The following PDE3A variants were observed in gnomAD, a reference collection of about 807,000 sequenced individuals.
PDE3A encodes phosphodiesterase 3A.
A neutral mutation model predicts 98.3 loss-of-function variants in PDE3A; 43 were observed. That is an observed-to-expected ratio of 0.44 (90% CI 0.34 to 0.56). The LOEUF is 0.56. Among genes scored for constraint, PDE3A ranks in the 20% least tolerant of loss-of-function variants. The pLI, the probability that PDE3A is intolerant of heterozygous loss-of-function variation, is 0.01. For missense variants in PDE3A, 1,427 were observed against 1,440.7 expected, an observed-to-expected ratio of 0.99 and a Z score of 0.15; for synonymous variants, 663 against 567.9, an observed-to-expected ratio of 1.17 and a Z score of -2.38.
At chr12:20,649,979 TG>T (rs1944877506) in intron 13 of PDE3A, among the ~76,000 whole-genome samples, 1 of 152,158 alleles carries the variant, frequency 6.6e-6, no homozygotes, top group Non-Finnish European at 1.5e-5. Flanking sequence ...AAAAAGCATT[TG>T]TTGCTAATTC....
chr12:20,617,006 G>A (rs1282696950), intron 4 of PDE3A, among the ~76,000 whole-genome samples: 79 of 152,158 alleles, frequency 5.2e-4, no homozygotes, highest in South Asian at 4.1e-4. Context: ...AGTGCATTTA[G>A]AGGGAGATAC....
rs538370028 is a variant in PDE3A at position 20,520,702 on chromosome 12, G to A, written c.961-35958G>A. On this transcript the variant is annotated intron_variant, in intron 1 of 15. Transcript: ENST00000359062. Reference sequence around the variant, plus strand: ...TGGCCCAAGGTTTGATGATCCCTCTGCCGCTTCTTGGCTTTGTATGCTCAG... The same window carrying A: ...TGGCCCAAGGTTTGATGATCCCTCTACCGCTTCTTGGCTTTGTATGCTCAG... Among the ~76,000 whole-genome samples, 13 of 152,248 alleles carry A rather than the reference G, an allele frequency of 8.5e-5. No homozygotes were observed. The East Asian group carries it at 2.3e-3, about 27-fold the overall frequency.
rs535310574 is a variant in PDE3A, at chr12:20,595,480, G to T, written c.1012-17963G>T. Among the ~76,000 whole-genome samples the T allele has an allele frequency of 1.1e-4, 16 of 152,158 alleles. 1 individual carries two copies. Among genetic ancestry groups the T allele is most frequent in the African/African-American group, 3.9e-4 (16 of 41,512 alleles). On this transcript the variant is annotated intron_variant, in intron 2 of 15. Coordinates refer to ENST00000359062, the MANE Select transcript of PDE3A (RefSeq NM_000921.5). ...AATTAGACATTTCCAAATGTCTTTG[G>T]ACCTATTTGTCTTAATATCAGAATG...
chr12:20,641,993 A>C (rs1944655799), intron 10 of PDE3A, among the ~76,000 whole-genome samples: 1 of 152,102 alleles, frequency 6.6e-6, no homozygotes. Flanking sequence ...ATATTTATTA[A>C]AATCTTCACT....
intron 1 of PDE3A, among the ~76,000 whole-genome samples, chr12:20,402,682 T>G (rs1436961188): frequency 6.6e-6 from 1 of 152,312 alleles, no homozygotes; most frequent in South Asian, 2.1e-4. Flanking sequence ...TTTGAGCAAA[T>G]AATTTACAGA....
In PDE3A at chr12:20,680,230, C is replaced by T. The variant is rs750835967; in HGVS notation, c.3385C>T (p.Pro1129Ser). Residue 1129 changes from proline to serine, a missense_variant, in exon 16 of 16, where the codon CCA becomes TCA. Transcript: ENST00000359062. ...GGAAGAAGAAGAAGAGAAAGGGAAACCAAGAGGCGAGGAGATACCAACCCA... is the reference window on the plus strand; with the variant it reads ...GGAAGAAGAAGAAGAGAAAGGGAAATCAAGAGGCGAGGAGATACCAACCCA... ...IKEEEEEKGK[P>S]RGEEIPTQKP... 1 of 1,613,928 alleles carries T rather than the reference C, an allele frequency of 6.2e-7. No individual in the cohort carries two copies. Among genetic ancestry groups the T allele is most frequent in the Non-Finnish European group, 8.5e-7 (1 of 1,179,900 alleles).
chr12:20,575,131 A>G (rs1031916566), intron 2 of PDE3A, among the ~76,000 whole-genome samples: 1 of 152,048 alleles, frequency 6.6e-6, no homozygotes, highest in Non-Finnish European at 1.5e-5. Context: ...TTATCCACAA[A>G]GTATTCCTTA....
At chr12:20,626,006 G>A (rs76156615) in intron 5 of PDE3A, among the ~76,000 whole-genome samples, 57 of 152,034 alleles carry the variant, frequency 3.7e-4, no homozygotes, top group Non-Finnish European at 5.6e-4. Context: ...CATGTTTATC[G>A]GAATCTCTTC....
chr12:20,479,203 A>G (rs927367206), intron 1 of PDE3A, among the ~76,000 whole-genome samples: 4 of 152,214 alleles, frequency 2.6e-5, no homozygotes, highest in African/African-American at 9.6e-5. Context: ...ATTCCCTTAA[A>G]AGGTTAATAG....
chr12:20,498,304 C>G (rs1945960613), intron 1 of PDE3A, among the ~76,000 whole-genome samples: 1 of 152,070 alleles, frequency 6.6e-6, no homozygotes, highest in Non-Finnish European at 1.5e-5. Context: ...TGTAGGAACT[C>G]TGTATAGTCA....
chr12:20,577,441 C>T (rs914536770), intron 2 of PDE3A, among the ~76,000 whole-genome samples: 2 of 152,080 alleles, frequency 1.3e-5, no homozygotes, highest in Non-Finnish European at 2.9e-5. Context: ...CATTTAATGC[C>T]CCTCTCCTCA....
Position 20,369,732 on chromosome 12 carries a change from C to G in PDE3A, c.448C>G (p.Leu150Val). The G allele has an allele frequency of 3.1e-6, 5 of 1,612,350 alleles. No homozygotes were observed. The highest frequency in any genetic ancestry group is 1.3e-5 in the African/African-American group (1 of 75,032). ...TGCCTTCTTCTGGATGGGCTTGTAC[C>G]TCCTGCGCGCCGGGGTGCGCCTGCC... ...LCAFFWMGLY[L>V]LRAGVRLPLA... The change falls in exon 1 of 16, where the codon CTC becomes GTC. Residue 150 changes from leucine to valine, a missense_variant. Coordinates refer to ENST00000359062, the MANE Select transcript of PDE3A (RefSeq NM_000921.5).
chr12:20,493,166 G>T (rs1945858437), intron 1 of PDE3A, among the ~76,000 whole-genome samples: 1 of 152,036 alleles, frequency 6.6e-6, no homozygotes, highest in Non-Finnish European at 1.5e-5. Context: ...ATTCATTTAT[G>T]AATTATGAAT....
At chr12:20,558,342 A>T (rs1942422786) in intron 2 of PDE3A, among the ~76,000 whole-genome samples, 1 of 152,110 alleles carries the variant, frequency 6.6e-6, no homozygotes, top group South Asian at 2.1e-4. Context: ...AGCTATTTTC[A>T]TAAATAAAAT....
At chr12:20,584,508 T>G (rs1943146260) in intron 2 of PDE3A, among the ~76,000 whole-genome samples, 1 of 152,056 alleles carries the variant, frequency 6.6e-6, no homozygotes, top group Non-Finnish European at 1.5e-5. Flanking sequence ...TTATACGCAT[T>G]GATTTTTCCT....
Position 20,681,174 on chromosome 12 carries a change from C to T in PDE3A, c.*903C>T, listed in dbSNP as rs563631453. On this transcript the variant is annotated 3_prime_UTR_variant, in exon 16 of 16. Transcript: ENST00000359062. ...CACTTGAAGGAGCTCTATCACCAGC[C>T]TCAAACCCGAAAGACTGAGGCATTT... 2.0e-5 allele frequency: 3 copies of T among 152,232 alleles called. No homozygotes were observed. Among genetic ancestry groups the T allele is most frequent in the South Asian group, 2.1e-4 (1 of 4,822 alleles). 9.4% of individuals were successfully genotyped at this position (152,232 alleles called of 1,614,324 possible).
At chr12:20,600,131 C>T (rs1165292301) in intron 2 of PDE3A, among the ~76,000 whole-genome samples, 3 of 152,114 alleles carry the variant, frequency 2.0e-5, no homozygotes, top group Non-Finnish European at 2.9e-5. Context: ...TCAGTATACT[C>T]CTTTCTCTTC....
chr12:20,370,109 G>A lies in PDE3A; in HGVS notation c.825G>A (p.Leu275=), dbSNP rs750288734. ...AAPREHLGSQ[L]IAGTKEDIPV... The stretch of plus-strand genomic sequence containing the variant: ...CAAGGGAGCATTTGGGGTCCCAGCT[G>A]ATTGCTGGGACCAAGGAAGATATCC... Residue 275 remains leucine (L), a synonymous_variant, in exon 1 of 16, where the codon CTG becomes CTA. Coordinates refer to ENST00000359062, the MANE Select transcript of PDE3A (RefSeq NM_000921.5). 51 of 1,613,022 alleles carry A rather than the reference G, an allele frequency of 3.2e-5. No homozygotes were observed. Among genetic ancestry groups the A allele is most frequent in the Non-Finnish European group, 4.0e-5 (47 of 1,179,764 alleles).
intron 15 of PDE3A, among the ~76,000 whole-genome samples, chr12:20,671,499 C>A (rs1945481143): frequency 6.6e-6 from 1 of 151,724 alleles, no homozygotes; most frequent in South Asian, 2.1e-4. Flanking sequence ...AGCTTATCCA[C>A]AATGATCAAG....
Sources: allele counts gnomAD v4.1 joint callset (sites outside exome capture counted in the v4.1 genomes callset), GRCh38; gene constraint gnomAD v4.1.1; transcripts MANE v1.5; gene names NCBI Gene and HGNC (gene_info 2026-07-23, HGNC 2026-07-21).